The following ARHGEF2 variants were observed in gnomAD, a reference collection of about 807,000 sequenced individuals.
ARHGEF2 encodes rho guanine nucleotide exchange factor 2.
Under a neutral mutation model 121.0 loss-of-function variants are expected in ARHGEF2, and 22 were observed. That is an observed-to-expected ratio of 0.18 (90% CI 0.13 to 0.26). ARHGEF2 has a LOEUF of 0.26. Among genes scored for constraint, ARHGEF2 ranks in the 10% least tolerant of loss-of-function variants. The pLI is 1.00. For missense variants in ARHGEF2, 907 were observed against 1,336.0 expected (o/e 0.68, Z 5.01); for synonymous variants, 487 against 530.0 (o/e 0.92, Z 1.11).
chr1:155,964,397 A>G (rs1335718045), intron 7 of ARHGEF2, among the ~76,000 whole-genome samples: 1 of 151,506 alleles, frequency 6.6e-6, no homozygotes, highest in Non-Finnish European at 1.5e-5. Flanking sequence ...ATTTTAGGGT[A>G]AGAACCATAT....
chr1:155,967,422 T>C (rs564747654), intron 2 of ARHGEF2, among the ~76,000 whole-genome samples: 1 of 152,148 alleles, frequency 6.6e-6, no homozygotes, highest in Non-Finnish European at 1.5e-5. Context: ...TGTCCTGGAG[T>C]GGCTAAATCG....
At position 155,978,526 on chromosome 1, in the gene ARHGEF2, TC is replaced by T. The variant is rs1681762049; in HGVS notation, c.-100del. 7.8e-7 allele frequency: 1 copy of T among 1,290,158 alleles called. No individual in the cohort carries two copies. The highest frequency in any genetic ancestry group is 2.1e-4 in the Middle Eastern group (1 of 4,790). The allele number at this position is 1,290,158 out of a possible 1,614,324, so 79.9% of individuals were successfully genotyped here. A position where few individuals can be genotyped will look rare whatever the true frequency, so the allele number is the denominator to read the frequency against. ...GGGGTTCGGCCCGCACGCGTTGGTC[TC>T]GGGGACAGGAAGTCTGACTCCCCTC... On this transcript the variant is annotated 5_prime_UTR_variant, in exon 1 of 22. Transcript: ENST00000361247. The surrounding 1 kb of genome is among the most constrained non-coding windows in gnomAD (Gnocchi z 4.1).
chr1:155,963,045 T>A lies in ARHGEF2; in HGVS notation c.863A>T (p.Asp288Val). ...CTGGCTGAGGAAGCGTGTATGGATGTCACTGAGCTCGTCCACGCAGGGGAA... is the reference window on the plus strand; with the variant it reads ...CTGGCTGAGGAAGCGTGTATGGATGACACTGAGCTCGTCCACGCAGGGGAA... The part of the protein sequence containing the change: ...GLFPCVDELS[D>V]IHTRFLSQLL... Residue 288 changes from aspartate (D) to valine (V), a missense_variant, in exon 8 of 22, where the codon GAC becomes GTC. Physicochemically the swap from Asp to Val is radical, Grantham distance 152. Coordinates refer to ENST00000361247, the MANE Select transcript of ARHGEF2 (RefSeq NM_001162383.2). 6.2e-7 allele frequency: 1 copy of A among 1,614,184 alleles called. No individual in the cohort carries two copies. Among genetic ancestry groups the A allele is most frequent in the Non-Finnish European group, 8.5e-7 (1 of 1,180,028 alleles).
intron 7 of ARHGEF2, among the ~76,000 whole-genome samples, 161 bp from the exon 8 acceptor site, chr1:155,963,344 CTTT>C (rs34196691): frequency 2.0e-4 from 18 of 91,296 alleles, no homozygotes; most frequent in Admixed American, 7.4e-4. Flanking sequence ...TCATTTTTAT[CTTT>C]TTTTTTTTTT....
In ARHGEF2 at chr1:155,962,353, G is replaced by T; in HGVS notation, c.1102-131C>A. On this transcript the variant is annotated intron_variant, in intron 9 of 21. Transcript: ENST00000361247. The surrounding 1 kb of genome is among the most constrained non-coding windows in gnomAD (Gnocchi z 5.8). ...CCTAGGTGACATATCTGGAAAATGGGGATAACAACGCCACAGGTTTGTTGT... is the reference window on the plus strand; with the variant it reads ...CCTAGGTGACATATCTGGAAAATGGTGATAACAACGCCACAGGTTTGTTGT... 9.4e-7 allele frequency: 1 copy of T among 1,066,072 alleles called. No individual in the cohort carries two copies. The highest frequency in any genetic ancestry group is 1.4e-6 in the Non-Finnish European group (1 of 734,532). The allele number at this position is 1,066,072 out of a possible 1,614,324, so 66.0% of individuals were successfully genotyped here. A position where few individuals can be genotyped will look rare whatever the true frequency, so the allele number is the denominator to read the frequency against.
Position 155,978,275 on chromosome 1 carries a change from C to T in ARHGEF2, c.63+90G>A. 3.7e-6 allele frequency: 5 copies of T among 1,359,000 alleles called. No individual in the cohort carries two copies. Among genetic ancestry groups the T allele is most frequent in the Non-Finnish European group, 4.8e-6 (5 of 1,034,886 alleles). The allele number at this position is 1,359,000 out of a possible 1,614,324, so 84.2% of individuals were successfully genotyped here. On this transcript the variant is annotated intron_variant, in intron 1 of 21. Transcript: ENST00000361247. The surrounding 1 kb of genome is among the most constrained non-coding windows in gnomAD (Gnocchi z 4.1). ...CCGCCCGATTTTGGCGCCCAGAAAG[C>T]AGGCGGGGAGACAGGAGATGCACCG...
rs193191572 is a variant in ARHGEF2, at chr1:155,971,789, T to C, written c.64-2489A>G. On this transcript the variant is annotated intron_variant, in intron 1 of 21. Coordinates refer to ENST00000361247, the MANE Select transcript of ARHGEF2 (RefSeq NM_001162383.2). ...AGAGGCCGGTGAGGTGGCTCACACC[T>C]GTAATCCCAGCACTTTGCGGGGCTG... Among the ~76,000 whole-genome samples, 30 of 151,788 alleles carry C rather than the reference T, an allele frequency of 2.0e-4. No homozygotes were observed. The East Asian group carries it at 5.6e-3, about 28-fold the overall frequency.
At chr1:155,977,021 G>C (rs1270275303) in intron 1 of ARHGEF2, among the ~76,000 whole-genome samples, 4 of 152,104 alleles carry the variant, frequency 2.6e-5, no homozygotes, top group Admixed American at 1.3e-4. Flanking sequence ...TTAGCATCAA[G>C]ACAGGTAGCC....
intron 14 of ARHGEF2, among the ~76,000 whole-genome samples, chr1:155,954,013 G>A (rs1676077321): frequency 6.6e-6 from 1 of 152,000 alleles, no homozygotes; most frequent in Admixed American, 6.6e-5. Context: ...CCAGACTGGA[G>A]TGCAGTGGTG....
At position 155,947,323 on chromosome 1, in the gene ARHGEF2, C is replaced by A. The variant is rs759965250; in HGVS notation, c.*619G>T. ...CCTCACCCCCAACAAACCATTATGG[C>A]CACCCCAACCTTTATTCCATCAACT... On this transcript the variant is annotated 3_prime_UTR_variant, in exon 22 of 22. Coordinates refer to ENST00000361247, the MANE Select transcript of ARHGEF2 (RefSeq NM_001162383.2). 9 of 456,112 alleles carry A rather than the reference C, an allele frequency of 2.0e-5. No homozygotes were observed. The highest frequency in any genetic ancestry group is 1.4e-4 in the South Asian group (9 of 64,524). The allele number at this position is 456,112 out of a possible 1,614,324, so 28.3% of individuals were successfully genotyped here. A position where few individuals can be genotyped will look rare whatever the true frequency, so the allele number is the denominator to read the frequency against.
chr1:155,973,471 C>T (rs905608278), intron 1 of ARHGEF2, among the ~76,000 whole-genome samples: 11 of 152,194 alleles, frequency 7.2e-5, no homozygotes, highest in African/African-American at 1.2e-4. Context: ...CCAGGCCGAG[C>T]GCAGTGGCTC....
In ARHGEF2 at chr1:155,964,144, CAAAAAAA is replaced by C. The variant is rs71576039; in HGVS notation, c.724+837_724+843del. The stretch of plus-strand genomic sequence containing the variant: ...TGGGCGACAGAGCAAGACTCTGCTT[CAAAAAAA>C]AAAAAAAAAAAAAAAAATATATATA... On this transcript the variant is annotated intron_variant, in intron 7 of 21. Coordinates refer to ENST00000361247, the MANE Select transcript of ARHGEF2 (RefSeq NM_001162383.2). Among the ~76,000 whole-genome samples the C allele has an allele frequency of 1.2e-3, 65 of 55,760 alleles. 1 individual carries two copies. The highest frequency in any genetic ancestry group is 5.4e-3 in the African/African-American group (52 of 9,562). The allele number at this position is 55,760 out of a possible 152,430, so 36.6% of individuals were successfully genotyped here. A position where few individuals can be genotyped will look rare whatever the true frequency, so the allele number is the denominator to read the frequency against.
intron 2 of ARHGEF2, among the ~76,000 whole-genome samples, chr1:155,967,093 G>C (rs934496167): frequency 6.6e-6 from 1 of 152,112 alleles, no homozygotes; most frequent in Admixed American, 6.5e-5. Context: ...GGGGGGTATA[G>C]GTGCTGAATG....
intron 14 of ARHGEF2, among the ~76,000 whole-genome samples, chr1:155,954,326 C>T (rs1296305250): frequency 7.0e-6 from 1 of 142,526 alleles, no homozygotes; most frequent in Non-Finnish European, 1.5e-5. Context: ...CTCTGTTGCC[C>T]AGGCTGGAGT....
At chr1:155,977,614 G>A (rs754402469) in intron 1 of ARHGEF2, among the ~76,000 whole-genome samples, 15 of 152,178 alleles carry the variant, frequency 9.9e-5, no homozygotes, top group Admixed American at 2.6e-4. Context: ...GGCTGGCGGG[G>A]CAGATAGGGA....
intron 12 of ARHGEF2, 120 bp downstream of exon 12, chr1:155,958,200 G>T (rs1677085903): frequency 1.3e-6 from 1 of 763,658 alleles, no homozygotes; most frequent in Non-Finnish European, 2.2e-6. Context: ...TACGGTAATA[G>T]TAACAATTAT....
rs1171640346 is a variant in ARHGEF2 at position 155,950,258 on chromosome 1, C to T, written c.2887+41G>A. 6.2e-7 allele frequency: 1 copy of T among 1,604,528 alleles called. No individual in the cohort carries two copies. The highest frequency in any genetic ancestry group is 1.1e-5 in the South Asian group (1 of 90,642). ...CACAGCCCAATGGCCTGTACCCAGGCTGCACTCTACCTCTGGTCCATGTCT... is the reference window on the plus strand; with the variant it reads ...CACAGCCCAATGGCCTGTACCCAGGTTGCACTCTACCTCTGGTCCATGTCT... On this transcript the variant is annotated intron_variant, in intron 21 of 21. Coordinates refer to ENST00000361247, the MANE Select transcript of ARHGEF2 (RefSeq NM_001162383.2). This position sits in a 1 kb window ranked among gnomAD's most constrained non-coding sequence, Gnocchi z 5.2.
At position 155,978,430 on chromosome 1, in the gene ARHGEF2, T is replaced by C; in HGVS notation, c.-3A>G. On this transcript the variant is annotated 5_prime_UTR_variant, in exon 1 of 22. Transcript: ENST00000361247. The surrounding 1 kb of genome is among the most constrained non-coding windows in gnomAD (Gnocchi z 4.1). ...GTGAGGGATTCGATCCGAGACATAATCGGACGGGGGGACCAGGGAGGACGC... is the reference window on the plus strand; with the variant it reads ...GTGAGGGATTCGATCCGAGACATAACCGGACGGGGGGACCAGGGAGGACGC... 6.7e-7 allele frequency: 1 copy of C among 1,496,262 alleles called. No individual in the cohort carries two copies. Among genetic ancestry groups the C allele is most frequent in the South Asian group, 1.2e-5 (1 of 80,274 alleles). The allele number at this position is 1,496,262 out of a possible 1,614,324, so 92.7% of individuals were successfully genotyped here.
At chr1:155,974,450 T>C (rs1453768382) in intron 1 of ARHGEF2, among the ~76,000 whole-genome samples, 2 of 152,006 alleles carry the variant, frequency 1.3e-5, no homozygotes, top group South Asian at 2.1e-4. Context: ...GAGGAGGAGC[T>C]ATAGGGCTGG....
Sources: gnomAD v4.1 joint callset for allele counts (sites outside exome capture counted in the v4.1 genomes callset) on GRCh38, gnomAD v4.1.1 for gene constraint, Gnocchi (gnomAD v3.1) non-coding constraint, MANE v1.5 for transcripts, NCBI Gene and HGNC (gene_info 2026-07-23, HGNC 2026-07-21) for gene names.